PALM2AKAP2: variants seen among roughly 807,000 people sequenced by gnomAD.
PALM2AKAP2 encodes the protein PALM2-AKAP2 fusion protein.
In PALM2AKAP2, 37 loss-of-function variants were observed where a neutral mutation model predicts 71.5. That is an observed-to-expected ratio of 0.52 (90% confidence interval 0.40 to 0.68). The LOEUF (loss-of-function observed/expected upper bound fraction) is 0.68. PALM2AKAP2 is among the 30% of genes least tolerant of loss of function. The pLI is 0.00. For synonymous variants in PALM2AKAP2, 468 were observed against 478.8 expected, an observed-to-expected ratio of 0.98 and a Z score of 0.29; for missense variants, 1,224 against 1,191.8, an observed-to-expected ratio of 1.03 and a Z score of -0.40.
chr9:109,657,505 A>T (rs1176490790), intron 1 of PALM2AKAP2, among the ~76,000 whole-genome samples: 1 of 146,482 alleles, frequency 6.8e-6, no homozygotes, highest in African/African-American at 2.5e-5. Context: ...TCTTGGGAGC[A>T]GGGGAGACAG....
chr9:110,142,686 G>A (rs935918435), intron 2 of PALM2AKAP2, among the ~76,000 whole-genome samples: 2 of 152,200 alleles, frequency 1.3e-5, no homozygotes, highest in Admixed American at 1.3e-4. Context: ...GTGTAGGGGA[G>A]AAGGAAGGGC....
At chr9:109,826,934 T>C (rs1421369508) in intron 1 of PALM2AKAP2, among the ~76,000 whole-genome samples, 2 of 152,188 alleles carry the variant, frequency 1.3e-5, no homozygotes, top group African/African-American at 2.4e-5. Context: ...GTTCTCCTGA[T>C]TGATTATGAA....
intron 1 of PALM2AKAP2, among the ~76,000 whole-genome samples, chr9:109,721,452 C>T (rs1403112445): frequency 6.6e-6 from 1 of 152,170 alleles, no homozygotes; most frequent in East Asian, 1.9e-4. Flanking sequence ...CTTCCAACTC[C>T]AAGGAAACTG....
At chr9:109,784,559 G>C (rs1005527808) in intron 1 of PALM2AKAP2, among the ~76,000 whole-genome samples, 6 of 152,232 alleles carry the variant, frequency 3.9e-5, no homozygotes, top group African/African-American at 1.4e-4. Flanking sequence ...CACAAACTCA[G>C]AGTGAACACT....
At chr9:110,093,547 C>T (rs889091256) in intron 1 of PALM2AKAP2, among the ~76,000 whole-genome samples, 6 of 152,196 alleles carry the variant, frequency 3.9e-5, no homozygotes, top group African/African-American at 1.4e-4. Context: ...CTATCAGGGA[C>T]ATTTAATGAG....
At chr9:109,720,775 C>T (rs1419062856) in intron 1 of PALM2AKAP2, among the ~76,000 whole-genome samples, 1 of 152,242 alleles carries the variant, frequency 6.6e-6, no homozygotes, top group Non-Finnish European at 1.5e-5. Flanking sequence ...AAGGAACCCA[C>T]ATGCTGTGGA....
intron 1 of PALM2AKAP2, among the ~76,000 whole-genome samples, chr9:110,128,305 A>T (rs1253559750): frequency 6.6e-6 from 1 of 152,260 alleles, no homozygotes; most frequent in Non-Finnish European, 1.5e-5. Flanking sequence ...AGCCACACAT[A>T]GCTCGTGGAA....
intron 1 of PALM2AKAP2, among the ~76,000 whole-genome samples, chr9:109,806,843 A>G (rs969612980): frequency 2.0e-5 from 3 of 152,196 alleles, no homozygotes; most frequent in African/African-American, 7.2e-5. Flanking sequence ...TACCGTGGTA[A>G]GGATGTTGGC....
chr9:109,674,711 A>G (rs1231419435), intron 1 of PALM2AKAP2, among the ~76,000 whole-genome samples: 1 of 152,054 alleles, frequency 6.6e-6, no homozygotes, highest in Admixed American at 6.6e-5. Context: ...GCTACTTTCT[A>G]TTCCATTTAG....
intron 5 of PALM2AKAP2, among the ~76,000 whole-genome samples, chr9:109,926,712 C>T (rs1830966001): frequency 6.6e-6 from 1 of 152,086 alleles, no homozygotes; most frequent in Middle Eastern, 3.4e-3. Flanking sequence ...CTTCCCTTCT[C>T]AAATCAGGAA....
chr9:109,715,015 A>G (rs921890130), intron 1 of PALM2AKAP2, among the ~76,000 whole-genome samples: 2 of 152,050 alleles, frequency 1.3e-5, no homozygotes, highest in African/African-American at 4.8e-5. Context: ...CACAAATCCC[A>G]TCTGGGCATC....
intron 7 of PALM2AKAP2, among the ~76,000 whole-genome samples, chr9:110,037,358 C>T (rs1833430857): frequency 6.6e-6 from 1 of 152,162 alleles, no homozygotes; most frequent in South Asian, 2.1e-4. Context: ...AGACATGCGC[C>T]ACCACGCCCA....
intron 1 of PALM2AKAP2, among the ~76,000 whole-genome samples, chr9:109,735,917 C>T (rs572597482): frequency 2.8e-4 from 43 of 152,318 alleles, no homozygotes; most frequent in Admixed American, 2.3e-3. Context: ...CCATCTCTCT[C>T]GTTCTCAGAT....
intron 7 of PALM2AKAP2, among the ~76,000 whole-genome samples, chr9:110,037,733 C>T (rs751670324): frequency 6.6e-6 from 1 of 152,170 alleles, no homozygotes; most frequent in African/African-American, 2.4e-5. Flanking sequence ...AAAAGGATGA[C>T]CTGTCTTTAA....
At chr9:110,048,917 C>A (rs1359838348) in intron 1 of PALM2AKAP2, 1 of 1,423,394 alleles carries the variant, frequency 7.0e-7, no homozygotes, top group East Asian at 2.9e-5. Context: ...GAAGGGGTGG[C>A]CGAGGAAGGG....
rs750243202 is a variant in PALM2AKAP2, at chr9:110,117,861, C to CTATA, written c.157-18257_157-18254dup. On this transcript the variant is annotated intron_variant, in intron 1 of 3. Transcript: ENST00000374525. ...TGAAACCACAGCAGCCACAGATAAG[C>CTATA]TATATATATATAGAGAGAGAGAGAG... is the stretch of plus-strand genomic sequence containing the variant. Among the ~76,000 whole-genome samples the CTATA allele has an allele frequency of 2.4e-4, 24 of 99,142 alleles. No individual in the cohort carries two copies. In the South Asian group the frequency reaches 8.4e-3, roughly 35 times the overall value. 65.0% of individuals were successfully genotyped at this position (99,142 alleles called of 152,430 possible). A position where few individuals can be genotyped will look rare whatever the true frequency, so the allele number is the denominator to read the frequency against.
At position 109,982,707 on chromosome 9, in the gene PALM2AKAP2, C is replaced by A. The variant is rs80281049; in HGVS notation, c.497-33247C>A. Among the ~76,000 whole-genome samples the A allele has an allele frequency of 9.3e-3, 1,422 of 152,302 alleles. 21 individuals are homozygous for A. Among genetic ancestry groups the A allele is most frequent in the African/African-American group, 0.033 (1,371 of 41,550 alleles). ...GTGCATGTTCATAGTCCACTGCAGC[C>A]TAGAGCTCCAGGGCTCAAGAGATTC... is the stretch of plus-strand genomic sequence containing the variant. On this transcript the variant is annotated intron_variant, in intron 6 of 9. Transcript: ENST00000302798.
chr9:109,790,742 TG>T (rs1301469533), intron 1 of PALM2AKAP2, among the ~76,000 whole-genome samples: 1 of 152,194 alleles, frequency 6.6e-6, no homozygotes, highest in Non-Finnish European at 1.5e-5. Flanking sequence ...ACATACATCT[TG>T]GGCTGATATC....
At chr9:109,658,285 A>G (rs1242093218) in intron 1 of PALM2AKAP2, among the ~76,000 whole-genome samples, 1 of 152,020 alleles carries the variant, frequency 6.6e-6, no homozygotes, top group Non-Finnish European at 1.5e-5. Context: ...TTTGGTATTG[A>G]GTGTAGGTAG....
Sources: allele counts gnomAD v4.1 joint callset (sites outside exome capture counted in the v4.1 genomes callset), GRCh38; gene constraint gnomAD v4.1.1; transcripts MANE v1.5; gene names NCBI Gene and HGNC (gene_info 2026-07-23, HGNC 2026-07-21).